The following RNF144B variants were observed in gnomAD, a reference collection of about 807,000 sequenced individuals.
RNF144B encodes ring finger protein 144B.
In RNF144B, 25 loss-of-function variants were observed where a neutral mutation model predicts 40.2. The observed-to-expected ratio is 0.62, with a 90% confidence interval of 0.45 to 0.87. The LOEUF is 0.87. Ranked by LOEUF, RNF144B falls within the 40% of genes least tolerant of loss-of-function variation. The pLI, the probability that RNF144B is intolerant of heterozygous loss-of-function variation, is 0.00. For missense variants in RNF144B, 365 were observed against 373.7 expected (o/e 0.98, Z 0.19); for synonymous variants, 145 against 136.3 (o/e 1.06, Z -0.44).
chr6:18,408,252 T>C (rs1005840753), intron 2 of RNF144B, among the ~76,000 whole-genome samples: 2 of 152,178 alleles, frequency 1.3e-5, no homozygotes, highest in African/African-American at 4.8e-5. Context: ...CCCAAAGTGC[T>C]GGGATTACAG....
chr6:18,394,594 TC>T (rs1390090479), intron 1 of RNF144B, among the ~76,000 whole-genome samples: 1 of 143,768 alleles, frequency 7.0e-6, no homozygotes, highest in Non-Finnish European at 1.5e-5. Context: ...TGATACTCCG[TC>T]CCCTACCCCC....
At chr6:18,389,017 A>C (rs1357651498) in intron 1 of RNF144B, among the ~76,000 whole-genome samples, 8 of 152,088 alleles carry the variant, frequency 5.3e-5, no homozygotes, top group South Asian at 2.1e-4. Flanking sequence ...AACCCCCCAA[A>C]ACCCCAAACA....
Position 18,406,212 on chromosome 6 carries a change from T to C in RNF144B, c.165+6513T>C, listed in dbSNP as rs1192566775. Reference sequence around the variant, plus strand: ...AGAAGTCAGGTGATGGTTTGTGCTATGGAAAAATAGGGTGAGGGGGGTCAG... The same window carrying C: ...AGAAGTCAGGTGATGGTTTGTGCTACGGAAAAATAGGGTGAGGGGGGTCAG... On this transcript the variant is annotated intron_variant, in intron 2 of 7. Transcript: ENST00000259939. This position sits in a 1 kb window ranked among gnomAD's most constrained non-coding sequence, Gnocchi z 4.2. 19 of 513,412 alleles carry C rather than the reference T, an allele frequency of 3.7e-5. No homozygotes were observed. The highest frequency in any genetic ancestry group is 3.5e-4 in the African/African-American group (18 of 51,638). 31.8% of individuals were successfully genotyped at this position (513,412 alleles called of 1,614,324 possible). A position where few individuals can be genotyped will look rare whatever the true frequency, so the allele number is the denominator to read the frequency against.
At position 18,459,624 on chromosome 6, in the gene RNF144B, A is replaced by T. The variant is rs772561216; in HGVS notation, c.554A>T (p.Asp185Val). ...PTEHRALFGT[D>V]AEAPIKQCPV... Reference sequence around the variant, plus strand: ...GTTTCTAGAGCCCTCTTTGGGACAGATGCAGAAGCCCCCATTAAGCAGTGC... The same window carrying T: ...GTTTCTAGAGCCCTCTTTGGGACAGTTGCAGAAGCCCCCATTAAGCAGTGC... Residue 185 changes from aspartate to valine, a missense_variant, in exon 6 of 8, where the codon GAT becomes GTT. By Grantham distance (152) the Asp-to-Val change is radical (BLOSUM62 -3). Transcript: ENST00000259939. The surrounding 1 kb of genome is among the most constrained non-coding windows in gnomAD (Gnocchi z 4.2). 5 of 1,613,746 alleles carry T rather than the reference A, an allele frequency of 3.1e-6. No individual in the cohort carries two copies. The highest frequency in any genetic ancestry group is 1.6e-4 in the Middle Eastern group (1 of 6,066).
chr6:18,455,901 G>A (rs896318060), intron 4 of RNF144B, among the ~76,000 whole-genome samples: 1 of 151,716 alleles, frequency 6.6e-6, no homozygotes, highest in Non-Finnish European at 1.5e-5. Context: ...GGTTTTTTTT[G>A]TTTGTTTTTT....
At chr6:18,423,968 A>T (rs927302825) in intron 2 of RNF144B, among the ~76,000 whole-genome samples, 1 of 152,204 alleles carries the variant, frequency 6.6e-6, no homozygotes, top group African/African-American at 2.4e-5. Context: ...AATGCTACTT[A>T]ATAAATGTAA....
intron 2 of RNF144B, among the ~76,000 whole-genome samples, chr6:18,407,170 A>G (rs6912155): frequency 0.64 from 97,908 of 151,948 alleles, 31,815 homozygotes; most frequent in Non-Finnish European, 0.69. Context: ...ACACATGCCC[A>G]GAAATGAGGC....
At position 18,447,191 on chromosome 6, in the gene RNF144B, A is replaced by G. The variant is rs1759102460; in HGVS notation, c.331+7447A>G. 6.6e-6 allele frequency among the ~76,000 whole-genome samples: 1 copy of G among 152,116 alleles called. No individual in the cohort carries two copies. The highest frequency in any genetic ancestry group is 6.6e-5 in the Admixed American group (1 of 15,254). The stretch of plus-strand genomic sequence containing the variant: ...AGGATTTTTGTGGAAGACCTCTTTG[A>G]TGAGGTTATATCTGAAAAAGGACTT... On this transcript the variant is annotated intron_variant, in intron 4 of 7. Transcript: ENST00000259939. This position sits in a 1 kb window ranked among gnomAD's most constrained non-coding sequence, Gnocchi z 5.6.
Position 18,414,149 on chromosome 6 carries a change from C to T in RNF144B, c.166-13432C>T, listed in dbSNP as rs1290667066. Among the ~76,000 whole-genome samples the T allele has an allele frequency of 6.6e-6, 1 of 152,132 alleles. No homozygotes were observed. The highest frequency in any genetic ancestry group is 1.5e-5 in the Non-Finnish European group (1 of 68,030). ...AAAGATGCTGATTTTGCTGTGGAGT[C>T]ATTGAATATCATTATTTCAAAATAA... On this transcript the variant is annotated intron_variant, in intron 2 of 7. Transcript: ENST00000259939. The surrounding 1 kb of genome is among the most constrained non-coding windows in gnomAD (Gnocchi z 4.9).
At position 18,434,856 on chromosome 6, in the gene RNF144B, C is replaced by T. The variant is rs1758783299; in HGVS notation, c.271-4828C>T. 6.6e-6 allele frequency among the ~76,000 whole-genome samples: 1 copy of T among 152,124 alleles called. No individual in the cohort carries two copies. The highest frequency in any genetic ancestry group is 2.4e-5 in the African/African-American group (1 of 41,428). On this transcript the variant is annotated intron_variant, in intron 3 of 7. Transcript: ENST00000259939. This position sits in a 1 kb window ranked among gnomAD's most constrained non-coding sequence, Gnocchi z 4.1. The stretch of plus-strand genomic sequence containing the variant: ...CAGGATGGTCTCAATCTCCTGACCT[C>T]GTGATCCACCTGCCTCGGCCTCCCA...
chr6:18,402,235 A>T lies in RNF144B; in HGVS notation c.165+2536A>T, dbSNP rs1383287480. The T allele has an allele frequency of 2.3e-5, 2 of 87,374 alleles. 1 individual carries two copies. The highest frequency in any genetic ancestry group is 2.4e-4 in the Admixed American group (2 of 8,394). The allele number at this position is 87,374 out of a possible 1,614,324, so 5.4% of individuals were successfully genotyped here. A position where few individuals can be genotyped will look rare whatever the true frequency, so the allele number is the denominator to read the frequency against. ...ACTCAGCTGTGTAATTGGGCACATG[A>T]TTAATCTCTTTGGGCCTCTGATTTC... On this transcript the variant is annotated intron_variant, in intron 2 of 7. Transcript: ENST00000259939.
intron 4 of RNF144B, among the ~76,000 whole-genome samples, chr6:18,455,634 A>T (rs1759307004): frequency 6.6e-6 from 1 of 152,116 alleles, no homozygotes; most frequent in African/African-American, 2.4e-5. Context: ...AAAAAGGGGT[A>T]CTCTACCCCT....
intron 3 of RNF144B, among the ~76,000 whole-genome samples, chr6:18,436,237 T>G (rs1758822334): frequency 6.6e-6 from 1 of 152,152 alleles, no homozygotes; most frequent in Non-Finnish European, 1.5e-5. Context: ...TGGCCTGGAC[T>G]CTTCAAACTC....
At position 18,443,202 on chromosome 6, in the gene RNF144B, C is replaced by T. The variant is rs1759004420; in HGVS notation, c.331+3458C>T. On this transcript the variant is annotated intron_variant, in intron 4 of 7. Transcript: ENST00000259939. This position sits in a 1 kb window ranked among gnomAD's most constrained non-coding sequence, Gnocchi z 4.7. ...TTTAGTGGCCTTTTGATTTAACCTC[C>T]TCATTTTATGAAAAACGTAACAGGC... is the stretch of plus-strand genomic sequence containing the variant. Among the ~76,000 whole-genome samples the T allele has an allele frequency of 7.9e-5, 12 of 152,080 alleles. No homozygotes were observed. The highest frequency in any genetic ancestry group is 7.9e-4 in the Admixed American group (12 of 15,252).
chr6:18,399,478 C>G, intron 1 of RNF144B, 21 bp from the exon 2 acceptor site: 1 of 1,539,264 alleles, frequency 6.5e-7, no homozygotes, highest in Non-Finnish European at 8.9e-7. Context: ...ATAATATTTT[C>G]TGCTTTGGAC....
chr6:18,460,659 A>G lies in RNF144B; in HGVS notation c.681+908A>G, dbSNP rs1385239620. ...TCTCTCTTGTTCATGAGCATGCAGC[A>G]GTATCGCTACTGTTTTGACAGTGTT... On this transcript the variant is annotated intron_variant, in intron 6 of 7. Transcript: ENST00000259939. This position sits in a 1 kb window ranked among gnomAD's most constrained non-coding sequence, Gnocchi z 4.4. Among the ~76,000 whole-genome samples, 1 of 152,112 alleles carries G rather than the reference A, an allele frequency of 6.6e-6. No individual in the cohort carries two copies.
chr6:18,396,515 G>C, intron 1 of RNF144B: 1 of 985,256 alleles, frequency 1.0e-6, no homozygotes, highest in Non-Finnish European at 1.2e-6. Flanking sequence ...ATTCACACCA[G>C]CTTTCTCCAC....
In RNF144B at chr6:18,387,439, C is replaced by T; in HGVS notation, c.-228C>T. 2.5e-6 allele frequency: 3 copies of T among 1,209,278 alleles called. No individual in the cohort carries two copies. Among genetic ancestry groups the T allele is most frequent in the African/African-American group, 3.2e-5 (2 of 62,882 alleles). The allele number at this position is 1,209,278 out of a possible 1,614,324, so 74.9% of individuals were successfully genotyped here. On this transcript the variant is annotated 5_prime_UTR_variant, in exon 1 of 8. Transcript: ENST00000259939. ...GGCGGTCGGGGACTCCGCCTCCTCCCGACCCGTAGGTCTGGGAGCGCAAGT... is the reference window on the plus strand; with the variant it reads ...GGCGGTCGGGGACTCCGCCTCCTCCTGACCCGTAGGTCTGGGAGCGCAAGT...
intron 3 of RNF144B, among the ~76,000 whole-genome samples, chr6:18,431,945 C>A (rs1267325097): frequency 2.0e-5 from 3 of 152,074 alleles, no homozygotes; most frequent in African/African-American, 7.2e-5. Flanking sequence ...CACTTAATGC[C>A]CAGTTCAAGT....
Sources: gnomAD v4.1 joint callset for allele counts (sites outside exome capture counted in the v4.1 genomes callset) on GRCh38, gnomAD v4.1.1 for gene constraint, Gnocchi (gnomAD v3.1) non-coding constraint, MANE v1.5 for transcripts, NCBI Gene and HGNC (gene_info 2026-07-23, HGNC 2026-07-21) for gene names.